Variants in INVS observed in about 807,000 individuals in gnomAD.
The protein encoded by INVS is inversion of embryo turning homolog.
Under a neutral mutation model 108.8 loss-of-function variants are expected in INVS, and 86 were observed. The observed-to-expected ratio is 0.79, with a 90% confidence interval of 0.66 to 0.95. The LOEUF is 0.95. INVS is among the 40% of genes least tolerant of loss of function. The probability of loss-of-function intolerance (pLI) is 0.00; values close to 1 mark genes in which losing one functional copy is unlikely to be tolerated. For missense variants in INVS, 1,169 were observed against 1,297.4 expected (o/e 0.90, Z 1.52); for synonymous variants, 455 against 473.5 (o/e 0.96, Z 0.51).
chr9:100,280,372 C>A (rs1214219361), intron 12 of INVS, among the ~76,000 whole-genome samples: 4 of 152,184 alleles, frequency 2.6e-5, no homozygotes, highest in African/African-American at 9.7e-5. Context: ...GACTTTCTCA[C>A]TTTCTTATCC....
At chr9:100,163,279 A>G (rs1024944557) in intron 3 of INVS, among the ~76,000 whole-genome samples, 8 of 151,686 alleles carry the variant, frequency 5.3e-5, no homozygotes, top group African/African-American at 1.7e-4. Flanking sequence ...TTCCAGTAAC[A>G]AACGCGGGCA....
Position 100,116,848 on chromosome 9 carries a change from CTTGGTAAATA to C in INVS, c.107-9534_107-9525del, listed in dbSNP as rs1284543322. The C allele has an allele frequency of 3.2e-6, 4 of 1,251,032 alleles. No homozygotes were observed. In the African/African-American group the frequency reaches 6.0e-5, roughly 19 times the overall value. The allele number at this position is 1,251,032 out of a possible 1,614,324, so 77.5% of individuals were successfully genotyped here. On this transcript the variant is annotated intron_variant, in intron 2 of 16. Coordinates refer to ENST00000262457, the MANE Select transcript of INVS (RefSeq NM_014425.5). ...GGTCAGTGAATTCCTGACAGGGAGA[CTTGGTAAATA>C]CAATCTTCCAGAGGTCGGGGGTCAG...
At chr9:100,300,248 G>T (rs1833923237) in intron 16 of INVS, among the ~76,000 whole-genome samples, 1 of 152,188 alleles carries the variant, frequency 6.6e-6, no homozygotes, top group African/African-American at 2.4e-5. Flanking sequence ...TGTGTTACCT[G>T]TTTATGTAAT....
intron 10 of INVS, among the ~76,000 whole-genome samples, chr9:100,257,995 A>C (rs1278863360): frequency 2.0e-5 from 3 of 152,194 alleles, no homozygotes; most frequent in Non-Finnish European, 2.9e-5. Context: ...TAATATCCTG[A>C]ACAGTGTTTT....
At chr9:100,117,517 G>T in intron 2 of INVS, 1 of 921,962 alleles carries the variant, frequency 1.1e-6, no homozygotes, top group Non-Finnish European at 1.7e-6. Context: ...CCCGTCCACG[G>T]CCGCAACCCC....
In INVS at chr9:100,243,437, A is replaced by G. The variant is rs528894424; in HGVS notation, c.906+758A>G. Among the ~76,000 whole-genome samples, 4 of 152,344 alleles carry G rather than the reference A, an allele frequency of 2.6e-5. No individual in the cohort carries two copies. The East Asian group carries it at 7.7e-4, about 29-fold the overall frequency. ...TCAAGAAATAGAATGTGCTCTCATTACTACTAGTGTTGATAATTATGTATA... is the reference window on the plus strand; with the variant it reads ...TCAAGAAATAGAATGTGCTCTCATTGCTACTAGTGTTGATAATTATGTATA... On this transcript the variant is annotated intron_variant, in intron 7 of 16. Coordinates refer to ENST00000262457, the MANE Select transcript of INVS (RefSeq NM_014425.5).
chr9:100,224,137 G>A (rs899407023), intron 3 of INVS, among the ~76,000 whole-genome samples: 3 of 152,204 alleles, frequency 2.0e-5, no homozygotes, highest in African/African-American at 4.8e-5. Context: ...CCTGGGCCAC[G>A]TGCAAGCCAG....
chr9:100,240,251 C>T lies in INVS; in HGVS notation c.796+11C>T. 2 of 1,607,826 alleles carry T rather than the reference C, an allele frequency of 1.2e-6. No homozygotes were observed. The highest frequency in any genetic ancestry group is 1.1e-5 in the South Asian group (1 of 90,928). ...GGGCAGCTTTATTAGGTACGTGACT[C>T]AAAGGATCAACAGTAAAAGGAACTT... On this transcript the variant is annotated intron_variant, in intron 6 of 16. Coordinates refer to ENST00000262457, the MANE Select transcript of INVS (RefSeq NM_014425.5).
intron 3 of INVS, among the ~76,000 whole-genome samples, chr9:100,164,969 G>A (rs925111867): frequency 6.8e-6 from 1 of 147,500 alleles, no homozygotes; most frequent in African/African-American, 2.5e-5. Context: ...TCTTAGTCTA[G>A]ACTGATTGCC....
intron 3 of INVS, among the ~76,000 whole-genome samples, chr9:100,137,679 G>T (rs942934088): frequency 2.6e-5 from 4 of 152,138 alleles, no homozygotes; most frequent in Admixed American, 2.0e-4. Flanking sequence ...TGATTGATGT[G>T]TATGCCAAAG....
At chr9:100,110,947 A>T (rs545372012) in intron 2 of INVS, among the ~76,000 whole-genome samples, 2 of 152,352 alleles carry the variant, frequency 1.3e-5, no homozygotes, top group East Asian at 1.9e-4. Context: ...TAGGACACTG[A>T]GACTCAGAAG....
chr9:100,240,029 A>G, intron 5 of INVS, 31 bp from the exon 6 acceptor site: 2 of 1,575,242 alleles, frequency 1.3e-6, no homozygotes, highest in South Asian at 2.2e-5. Context: ...GATTCCATGT[A>G]TGTCTGAAGT....
In INVS at chr9:100,253,463, G is replaced by A. The variant is rs536543443; in HGVS notation, c.1464+327G>A. Among the ~76,000 whole-genome samples the A allele has an allele frequency of 3.3e-5, 5 of 150,978 alleles. No individual in the cohort carries two copies. In the East Asian group the frequency reaches 7.8e-4, roughly 24 times the overall value. On this transcript the variant is annotated intron_variant, in intron 10 of 16. Transcript: ENST00000262457. Reference sequence around the variant, plus strand: ...AAGTTCTAGGGTACATGTGCACAACGTGCAAGTTTGTTACATATGTATATA... The same window carrying A: ...AAGTTCTAGGGTACATGTGCACAACATGCAAGTTTGTTACATATGTATATA...
intron 3 of INVS, among the ~76,000 whole-genome samples, chr9:100,182,574 C>T (rs7872556): frequency 0.2 from 31,096 of 151,918 alleles, 4,962 homozygotes; most frequent in African/African-American, 0.45. Flanking sequence ...AAAACCACAA[C>T]GAGATACCAC....
At chr9:100,264,781 T>C (rs1256063142) in intron 10 of INVS, 41 bp from the exon 11 acceptor site, 1 of 1,328,148 alleles carries the variant, frequency 7.5e-7, no homozygotes, top group Non-Finnish European at 1.1e-6. Context: ...TATCCAAAAA[T>C]ACTTACTCCA....
At chr9:100,274,819 A>G (rs1472695237) in intron 12 of INVS, among the ~76,000 whole-genome samples, 2 of 152,150 alleles carry the variant, frequency 1.3e-5, no homozygotes, top group African/African-American at 4.8e-5. Flanking sequence ...CAGATTCTTG[A>G]AAGATAACTT....
At chr9:100,135,323 G>A (rs1266077451) in intron 3 of INVS, among the ~76,000 whole-genome samples, 2 of 152,162 alleles carry the variant, frequency 1.3e-5, no homozygotes, top group Non-Finnish European at 2.9e-5. Context: ...AAAGCCCTGT[G>A]TCTATGCTCT....
At chr9:100,188,635 CTTTTT>C (rs11309021) in intron 3 of INVS, among the ~76,000 whole-genome samples, 1 of 128,270 alleles carries the variant, frequency 7.8e-6, no homozygotes, top group African/African-American at 2.8e-5. Flanking sequence ...TAGTTTCTTT[CTTTTT>C]TTTTTTTTTT....
At chr9:100,258,746 G>A (rs1449336039) in intron 10 of INVS, among the ~76,000 whole-genome samples, 3 of 152,122 alleles carry the variant, frequency 2.0e-5, no homozygotes, top group Non-Finnish European at 2.9e-5. Flanking sequence ...ATTGCAGAAC[G>A]GCAAATGTTG....
Sources: gnomAD v4.1 joint callset for allele counts (sites outside exome capture counted in the v4.1 genomes callset) on GRCh38, gnomAD v4.1.1 for gene constraint, MANE v1.5 for transcripts, NCBI Gene and HGNC (gene_info 2026-07-23, HGNC 2026-07-21) for gene names.